MICAL1: variants seen among roughly 807,000 people sequenced by gnomAD.
The protein encoded by MICAL1 is microtubule associated monooxygenase, calponin and LIM domain containing 1.
Under a neutral mutation model 131.8 loss-of-function variants are expected in MICAL1, and 95 were observed. That is an observed-to-expected ratio of 0.72 (90% confidence interval 0.61 to 0.86). MICAL1 has a LOEUF of 0.86. Ranked by LOEUF, MICAL1 falls within the 40% of genes least tolerant of loss-of-function variation. The pLI is 0.00. For synonymous variants in MICAL1, 546 were observed against 554.2 expected, an observed-to-expected ratio of 0.99 and a Z score of 0.21; for missense variants, 1,292 against 1,380.6, an observed-to-expected ratio of 0.94 and a Z score of 1.02.
rs762426115 is a variant in MICAL1, at chr6:109,451,719, G to C, written c.833-19C>G. Reference sequence around the variant, plus strand: ...TCAATGCCTGGGGGTACAGGGCAGGGGACAGTAGATATGTCTCCTGATAAT... The same window carrying C: ...TCAATGCCTGGGGGTACAGGGCAGGCGACAGTAGATATGTCTCCTGATAAT... On this transcript the variant is annotated intron_variant, in intron 6 of 24. Coordinates refer to ENST00000358807, the MANE Select transcript of MICAL1 (RefSeq NM_022765.4). 1.4e-5 allele frequency: 23 copies of C among 1,613,312 alleles called. No homozygotes were observed. In the East Asian group the frequency reaches 4.7e-4, roughly 33 times the overall value.
chr6:109,448,900 G>C, intron 11 of MICAL1, 21 bp from the exon 12 acceptor site: 2 of 1,611,876 alleles, frequency 1.2e-6, no homozygotes, highest in Non-Finnish European at 8.5e-7. Context: ...AGGCTGTGCT[G>C]TGCCCAAGGC....
In MICAL1 at chr6:109,448,783, G is replaced by A. The variant is rs1562289612; in HGVS notation, c.1613C>T (p.Ala538Val). The A allele has an allele frequency of 6.2e-7, 1 of 1,614,102 alleles. No individual in the cohort carries two copies. The highest frequency in any genetic ancestry group is 1.7e-5 in the Admixed American group (1 of 60,026). ...VHVSDLSSSW[A>V]DGLALCALVY... ...CAGGGCACACAGAGCTAGCCCATCA[G>A]CCCAGGAGGAAGACAAATCGGAGAC... Residue 538 changes from alanine to valine, a missense_variant, in exon 12 of 25, where the codon GCT (alanine) becomes GTT (valine). Physicochemically the swap from Ala to Val is moderately conservative, Grantham distance 64. Transcript: ENST00000358807.
At position 109,444,880 on chromosome 6, in the gene MICAL1, A is replaced by C; in HGVS notation, c.2981+16T>G. The C allele has an allele frequency of 1.2e-6, 2 of 1,613,970 alleles. No individual in the cohort carries two copies. The highest frequency in any genetic ancestry group is 1.7e-6 in the Non-Finnish European group (2 of 1,179,846). On this transcript the variant is annotated intron_variant, in intron 23 of 24. Transcript: ENST00000358807. ...GCCTGGCCCATGGGCCACTGTCACC[A>C]TCCCCTTCCCCTTACGTGATCATGA...
chr6:109,464,218 GATAT>G (rs903228860), intron 1 of MICAL1: 2 of 152,098 alleles, frequency 1.3e-5, no homozygotes, highest in African/African-American at 4.8e-5. Context: ...ATACATATAA[GATAT>G]ATATCATTTT....
At chr6:109,445,977 T>G in intron 19 of MICAL1, 115 bp from the exon 20 acceptor site, 2 of 1,498,902 alleles carry the variant, frequency 1.3e-6, no homozygotes, top group Non-Finnish European at 1.8e-6. Context: ...ATGTATGTGT[T>G]GGGGCATGGG....
intron 13 of MICAL1, 68 bp downstream of exon 13, chr6:109,448,135 A>ACACT: frequency 8.1e-6 from 1 of 123,412 alleles, no homozygotes; most frequent in Admixed American, 2.2e-4. Context: ...TCCCTCTGTC[A>ACACT]CACACACACA....
rs1775252966 is a variant in MICAL1 at position 109,446,977 on chromosome 6, G to A, written c.2227+96C>T. On this transcript the variant is annotated intron_variant, in intron 17 of 24. Transcript: ENST00000358807. ...TCAGGAGAACGAAGTGCCATCTTGA[G>A]CCTGTTTCCATCCTGTGCCTCTCTA... 29 of 1,466,520 alleles carry A rather than the reference G, an allele frequency of 2.0e-5. No homozygotes were observed. In the South Asian group the frequency reaches 3.3e-4, roughly 17 times the overall value. 90.8% of individuals were successfully genotyped at this position (1,466,520 alleles called of 1,614,324 possible). A position where few individuals can be genotyped will look rare whatever the true frequency, so the allele number is the denominator to read the frequency against.
chr6:109,458,181 A>G (rs1775804515), upstream of MICAL1, among the ~76,000 whole-genome samples: 1 of 152,252 alleles, frequency 6.6e-6, no homozygotes, highest in Non-Finnish European at 1.5e-5. Flanking sequence ...TCTCTCCTTA[A>G]TTAGAATCTT....
chr6:109,452,300 CACT>C lies in MICAL1; in HGVS notation c.775_777del (p.Ser259del). ...CTCTGGTTGTAGATCCTGGCTACAC[CACT>C]GATCTCCGGCACCTGTGTCTCCTCC... On this transcript the variant is annotated inframe_deletion, in exon 6 of 25. Transcript: ENST00000358807. 6.2e-7 allele frequency: 1 copy of C among 1,614,178 alleles called. No homozygotes were observed. Among genetic ancestry groups the C allele is most frequent in the African/African-American group, 1.3e-5 (1 of 75,046 alleles).
intron 17 of MICAL1, 76 bp downstream of exon 17, chr6:109,446,995 CCT>C: frequency 6.5e-7 from 1 of 1,537,434 alleles, no homozygotes; most frequent in Non-Finnish European, 8.8e-7. Context: ...CCATCCTGTG[CCT>C]CTCTACCTCA....
intron 19 of MICAL1, 76 bp from the exon 20 acceptor site, chr6:109,445,938 G>A (rs1048970554): frequency 2.1e-5 from 32 of 1,545,388 alleles, no homozygotes; most frequent in Non-Finnish European, 2.4e-5. Flanking sequence ...TGGTGGTGAC[G>A]GAGGCCCTGC....
At chr6:109,452,913 T>C (rs145042226) in intron 4 of MICAL1, among the ~76,000 whole-genome samples, 1 of 152,016 alleles carries the variant, frequency 6.6e-6, no homozygotes, top group South Asian at 2.1e-4. Flanking sequence ...TCCCAGCACT[T>C]TGGGAGACCG....
rs758495508 is a variant in MICAL1, at chr6:109,451,744, T to G, written c.833-44A>C. 2.5e-6 allele frequency: 4 copies of G among 1,608,236 alleles called. No individual in the cohort carries two copies. In the Admixed American group the frequency reaches 6.7e-5, roughly 27 times the overall value. ...GGACAGTAGATATGTCTCCTGATAA[T>G]GCATCACCTTCCCTAAACATCCCAA... On this transcript the variant is annotated intron_variant, in intron 6 of 24. Coordinates refer to ENST00000358807, the MANE Select transcript of MICAL1 (RefSeq NM_022765.4).
chr6:109,448,439 C>A (rs777912753), intron 12 of MICAL1, 46 bp from the exon 13 acceptor site: 3 of 1,601,160 alleles, frequency 1.9e-6, no homozygotes, highest in Non-Finnish European at 2.6e-6. Flanking sequence ...AAGAACCTAG[C>A]CCCACTGAGG....
chr6:109,447,715 G>A lies in MICAL1; in HGVS notation c.1952C>T (p.Ala651Val). ...TLQRSRAKEN[A>V]EDAGGKKLRL... Reference sequence around the variant, plus strand: ...CAGCTTCTTGCCACCAGCATCCTCTGCATTTTCCTGCAATAAGTCCTAACA... The same window carrying A: ...CAGCTTCTTGCCACCAGCATCCTCTACATTTTCCTGCAATAAGTCCTAACA... The change falls in exon 15 of 25, where the codon GCA (alanine) becomes GTA (valine). Residue 651 changes from alanine (A) to valine (V), a missense_variant. Transcript: ENST00000358807. The A allele has an allele frequency of 6.2e-7, 1 of 1,614,084 alleles. No individual in the cohort carries two copies. Among genetic ancestry groups the A allele is most frequent in the South Asian group, 1.1e-5 (1 of 91,078 alleles).
At chr6:109,453,513 C>T in intron 3 of MICAL1, 125 bp downstream of exon 3, 5 of 1,498,710 alleles carry the variant, frequency 3.3e-6, no homozygotes, top group Non-Finnish European at 3.6e-6. Context: ...GGACCTGAAT[C>T]TTCAAGGTCA....
intron 11 of MICAL1, chr6:109,449,113 A>C: frequency 1.5e-6 from 1 of 667,394 alleles, no homozygotes; most frequent in Non-Finnish European, 2.6e-6. Context: ...AACTGGCCAC[A>C]TAGAGGGCAG....
rs1470375632 is a variant in MICAL1 at position 109,445,279 on chromosome 6, C to T, written c.2799G>A (p.Arg933=). ...AGGCAGCCTCAATCTCATTTAGTCG[C>T]CGTTGGATGGTCTGAGGGGTACAAG... ...KRFCKAQTIQ[R]RLNEIEAALR... The change falls in exon 22 of 25, where the codon CGG becomes CGA. Residue 933 remains arginine (R), a synonymous_variant. Transcript: ENST00000358807. The T allele has an allele frequency of 6.2e-7, 1 of 1,614,098 alleles. No individual in the cohort carries two copies. Among genetic ancestry groups the T allele is most frequent in the Admixed American group, 1.7e-5 (1 of 60,030 alleles).
rs372459200 is a variant in MICAL1, at chr6:109,453,804, A to T, written c.300T>A (p.Ala100=). Residue 100 remains alanine (A), a synonymous_variant, in exon 3 of 25, where the codon GCT becomes GCA. Transcript: ENST00000358807. ...VGAGPCGLRV[A]VELALLGARV... ...GGGCCCCCAGCAGCGCCAGCTCCAC[A>T]GCGACCCGCAGCCCGCAAGGTCCAG... 2 of 1,613,576 alleles carry T rather than the reference A, an allele frequency of 1.2e-6. No individual in the cohort carries two copies. Among genetic ancestry groups the T allele is most frequent in the African/African-American group, 2.7e-5 (2 of 74,952 alleles).
Sources: allele counts gnomAD v4.1 joint callset (sites outside exome capture counted in the v4.1 genomes callset), GRCh38; gene constraint gnomAD v4.1.1; transcripts MANE v1.5; gene names NCBI Gene and HGNC (gene_info 2026-07-23, HGNC 2026-07-21).